The following NCKAP5 variants were observed in gnomAD, a reference collection of about 807,000 sequenced individuals.
The protein encoded by NCKAP5 is nck-associated protein 5.
A neutral mutation model predicts 167.0 loss-of-function variants in NCKAP5; 92 were observed. That is an observed-to-expected ratio of 0.55 (90% CI 0.47 to 0.66). The LOEUF (loss-of-function observed/expected upper bound fraction) is 0.66, where lower values mean the gene tolerates loss of function less well. Among genes scored for constraint, NCKAP5 ranks in the 30% least tolerant of loss-of-function variants. The pLI, the probability that NCKAP5 is intolerant of heterozygous loss-of-function variation, is 0.00. For missense variants in NCKAP5, 2,378 were observed against 2,315.0 expected (o/e 1.03, Z -0.56); for synonymous variants, 891 against 877.4 (o/e 1.02, Z -0.27).
chr2:132,714,917 T>C (rs965153058), intron 19 of NCKAP5: 2 of 455,478 alleles, frequency 4.4e-6, no homozygotes, highest in South Asian at 1.6e-5. Context: ...AAAGGGCTCA[T>C]GGCTTTGGGT....
intron 8 of NCKAP5, chr2:132,930,220 A>C (rs1696263036): frequency 6.6e-6 from 1 of 152,212 alleles, no homozygotes; most frequent in Admixed American, 6.5e-5. Context: ...TGGCTGGTAG[A>C]TTCCTCCAAA....
At chr2:133,516,321 T>C (rs1683990204) in intron 3 of NCKAP5, among the ~76,000 whole-genome samples, 1 of 151,988 alleles carries the variant, frequency 6.6e-6, no homozygotes, top group African/African-American at 2.4e-5. Flanking sequence ...ACGTTCAACC[T>C]GGAGTTAGCA....
At chr2:132,914,990 C>CA (rs11404641) in intron 8 of NCKAP5, among the ~76,000 whole-genome samples, 28,394 of 103,890 alleles carry the variant, frequency 0.27, 5,456 homozygotes, top group African/African-American at 0.51. Flanking sequence ...AAGCTATGGC[C>CA]AAAAAAAAAA....
chr2:133,159,308 C>T (rs1036746304), intron 5 of NCKAP5, among the ~76,000 whole-genome samples: 2 of 152,164 alleles, frequency 1.3e-5, no homozygotes, highest in African/African-American at 4.8e-5. Flanking sequence ...ATTCTGCCAA[C>T]AACCTGAGTG....
intron 6 of NCKAP5, among the ~76,000 whole-genome samples, chr2:133,006,233 C>T (rs764664925): frequency 2.4e-4 from 36 of 151,910 alleles, no homozygotes; most frequent in Non-Finnish European, 3.5e-4. Flanking sequence ...CACTCCAGCC[C>T]GGGTGACAGA....
intron 16 of NCKAP5, among the ~76,000 whole-genome samples, chr2:132,733,934 T>C (rs1391221209): frequency 1.3e-5 from 2 of 152,178 alleles, no homozygotes; most frequent in Non-Finnish European, 2.9e-5. Context: ...GGATATTTAG[T>C]AGGAAAATAC....
chr2:132,677,831 G>A (rs772333244), intron 19 of NCKAP5, among the ~76,000 whole-genome samples: 19 of 152,078 alleles, frequency 1.2e-4, no homozygotes, highest in East Asian at 1.9e-4. Context: ...TCCAAACTGC[G>A]TTCTAATCTA....
At chr2:133,407,211 G>C (rs556719129) in intron 3 of NCKAP5, among the ~76,000 whole-genome samples, 1 of 152,318 alleles carries the variant, frequency 6.6e-6, no homozygotes, top group South Asian at 2.1e-4. Flanking sequence ...TTTTGTTCAG[G>C]TGCTGAACAG....
At chr2:133,450,836 C>T (rs1691506070) in intron 3 of NCKAP5, among the ~76,000 whole-genome samples, 1 of 152,156 alleles carries the variant, frequency 6.6e-6, no homozygotes, top group South Asian at 2.1e-4. Context: ...AGTATCCAGA[C>T]TACAGTTCTC....
intron 13 of NCKAP5, among the ~76,000 whole-genome samples, chr2:132,787,428 A>C (rs1047348373): frequency 6.6e-6 from 1 of 151,760 alleles, no homozygotes; most frequent in African/African-American, 2.4e-5. Context: ...AATGCACTCT[A>C]TACCAGTTTT....
At chr2:133,263,036 T>A (rs1448265746) in intron 4 of NCKAP5, among the ~76,000 whole-genome samples, 1 of 152,190 alleles carries the variant, frequency 6.6e-6, no homozygotes, top group African/African-American at 2.4e-5. Flanking sequence ...CACCTCTCTC[T>A]CAACTTCATT....
intron 5 of NCKAP5, among the ~76,000 whole-genome samples, chr2:133,157,633 C>T (rs2083622664): frequency 6.6e-6 from 1 of 152,094 alleles, no homozygotes; most frequent in South Asian, 2.1e-4. Flanking sequence ...TAGACATGCC[C>T]AGGAATTTCT....
At chr2:133,042,286 G>A (rs912504400) in intron 6 of NCKAP5, among the ~76,000 whole-genome samples, 1 of 152,130 alleles carries the variant, frequency 6.6e-6, no homozygotes, top group African/African-American at 2.4e-5. Context: ...GGCAAGTGGA[G>A]TGGGCATTCA....
intron 11 of NCKAP5, among the ~76,000 whole-genome samples, chr2:132,831,422 G>C (rs1484515686): frequency 2.0e-5 from 3 of 152,052 alleles, no homozygotes; most frequent in Non-Finnish European, 4.4e-5. Context: ...CTAAATACTG[G>C]ATATCAATTT....
At chr2:132,861,826 T>C (rs1689938268) in intron 10 of NCKAP5, among the ~76,000 whole-genome samples, 1 of 152,210 alleles carries the variant, frequency 6.6e-6, no homozygotes, top group South Asian at 2.1e-4. Flanking sequence ...GACTTGTCAA[T>C]TACACGACAC....
chr2:133,297,434 A>G (rs1680046484), intron 4 of NCKAP5, among the ~76,000 whole-genome samples: 1 of 152,166 alleles, frequency 6.6e-6, no homozygotes. Context: ...TGCAACTTGA[A>G]AACCCAGAGA....
chr2:132,811,854 A>G (rs1423984369), intron 11 of NCKAP5, among the ~76,000 whole-genome samples: 1 of 151,712 alleles, frequency 6.6e-6, no homozygotes, highest in East Asian at 1.9e-4. Flanking sequence ...GTGGAGTTTT[A>G]CCCCCCGCTC....
Position 133,365,545 on chromosome 2 carries a change from G to A in NCKAP5, c.70-62435C>T, listed in dbSNP as rs143105549. On this transcript the variant is annotated intron_variant, in intron 3 of 19. Coordinates refer to ENST00000409261, the MANE Select transcript of NCKAP5 (RefSeq NM_207363.3). ...AGCCTACACACACACACACACACAC[G>A]TATATATACATAAAACATATTGATT... Among the ~76,000 whole-genome samples the A allele has an allele frequency of 5.6e-4, 80 of 143,654 alleles. No homozygotes were observed. In the East Asian group the frequency reaches 0.015, roughly 27 times the overall value. The allele number at this position is 143,654 out of a possible 152,430, so 94.2% of individuals were successfully genotyped here. A position where few individuals can be genotyped will look rare whatever the true frequency, so the allele number is the denominator to read the frequency against.
At chr2:132,827,729 C>G (rs1260979371) in intron 11 of NCKAP5, among the ~76,000 whole-genome samples, 1 of 152,120 alleles carries the variant, frequency 6.6e-6, no homozygotes, top group Non-Finnish European at 1.5e-5. Flanking sequence ...TGTGATCACA[C>G]TAAAAAGTTC....
Sources: allele counts gnomAD v4.1 joint callset (sites outside exome capture counted in the v4.1 genomes callset), GRCh38; gene constraint gnomAD v4.1.1; transcripts MANE v1.5; gene names NCBI Gene and HGNC (gene_info 2026-07-23, HGNC 2026-07-21).